The following CNOT4 variants were observed in gnomAD, a reference collection of about 807,000 sequenced individuals.
The protein encoded by CNOT4 is CCR4-NOT transcription complex subunit 4, also known as CCR4-associated factor 4.
CNOT4 carries 8 observed loss-of-function variants against 73.8 expected under a neutral mutation model. The ratio of observed to expected loss-of-function variants is 0.11; its 90% CI spans 0.06 to 0.20. The LOEUF (loss-of-function observed/expected upper bound fraction) is 0.20, where lower values mean the gene tolerates loss of function less well. CNOT4 is among the 10% of genes least tolerant of loss of function. The probability of loss-of-function intolerance (pLI) is 1.00; values close to 1 mark genes in which losing one functional copy is unlikely to be tolerated. For missense variants in CNOT4, 564 were observed against 883.4 expected (o/e 0.64, Z 4.58); for synonymous variants, 293 against 321.1 (o/e 0.91, Z 0.94).
At chr7:135,454,408 C>A (rs1800393410) in intron 1 of CNOT4, among the ~76,000 whole-genome samples, 1 of 151,928 alleles carries the variant, frequency 6.6e-6, no homozygotes, top group Non-Finnish European at 1.5e-5. Context: ...AATCTCAGCA[C>A]TCTGGGAGGC....
intron 1 of CNOT4, among the ~76,000 whole-genome samples, chr7:135,501,958 T>A (rs564541261): frequency 1.3e-5 from 2 of 152,314 alleles, no homozygotes; most frequent in African/African-American, 4.8e-5. Context: ...GGCTCTACCC[T>A]CATCAATGAT....
chr7:135,418,145 G>T (rs1027734702), intron 3 of CNOT4, among the ~76,000 whole-genome samples: 5 of 152,174 alleles, frequency 3.3e-5, no homozygotes, highest in Admixed American at 6.6e-5. Flanking sequence ...TAACAATAGT[G>T]GGCCTCAAAG....
intron 1 of CNOT4, among the ~76,000 whole-genome samples, chr7:135,452,671 C>T (rs780634938): frequency 3.7e-4 from 56 of 151,998 alleles, no homozygotes; most frequent in Non-Finnish European, 5.4e-4. Flanking sequence ...TAGAAATGAA[C>T]GTTTACTTGT....
chr7:135,389,732 A>G lies in CNOT4; in HGVS notation c.1627+4186T>C, dbSNP rs940833927. Among the ~76,000 whole-genome samples, 7 of 152,214 alleles carry G rather than the reference A, an allele frequency of 4.6e-5. No homozygotes were observed. The South Asian group carries it at 1.4e-3, about 31-fold the overall frequency. ...AACAGTTTCAAATATTTTTTGAGGT[A>G]TATCTTGAAACAACAATGCTTACTG... is the stretch of plus-strand genomic sequence containing the variant. On this transcript the variant is annotated intron_variant, in intron 10 of 11. Transcript: ENST00000541284.
intron 7 of CNOT4, among the ~76,000 whole-genome samples, chr7:135,399,604 T>C (rs1796896335): frequency 6.6e-6 from 1 of 152,052 alleles, no homozygotes; most frequent in Non-Finnish European, 1.5e-5. Flanking sequence ...AATTATTTTA[T>C]TCCCTGAAAA....
intron 2 of CNOT4, among the ~76,000 whole-genome samples, chr7:135,436,391 C>A (rs1290538967): frequency 6.6e-6 from 1 of 151,530 alleles, no homozygotes; most frequent in African/African-American, 2.4e-5. Flanking sequence ...CATCATGAAG[C>A]CAATCAAATT....
At chr7:135,470,271 C>T (rs1477575450) in intron 1 of CNOT4, among the ~76,000 whole-genome samples, 1 of 151,894 alleles carries the variant, frequency 6.6e-6, no homozygotes, top group Non-Finnish European at 1.5e-5. Flanking sequence ...CTAGGACCCA[C>T]GGGCACATAA....
At chr7:135,446,795 T>C (rs1799862306) in intron 1 of CNOT4, among the ~76,000 whole-genome samples, 1 of 151,688 alleles carries the variant, frequency 6.6e-6, no homozygotes, top group African/African-American at 2.4e-5. Context: ...TTTCCATAAA[T>C]TCTGGAGGTG....
chr7:135,489,338 C>A (rs895350646), intron 1 of CNOT4, among the ~76,000 whole-genome samples: 7 of 150,310 alleles, frequency 4.7e-5, no homozygotes, highest in Non-Finnish European at 8.9e-5. Flanking sequence ...AGGATTCTAA[C>A]TCCAGTGTGT....
At position 135,362,949 on chromosome 7, in the gene CNOT4, G is replaced by A. The variant is rs749563807; in HGVS notation, c.2078C>T (p.Ala693Val). The A allele has an allele frequency of 6.2e-7, 1 of 1,613,308 alleles. No individual in the cohort carries two copies. The highest frequency in any genetic ancestry group is 8.5e-7 in the Non-Finnish European group (1 of 1,179,582). ...GGGGGTTTTGCTGGGGGGTCTGAAGGCTGTCTGAAAGCCTGGGGGTGGGGA... is the reference window on the plus strand; with the variant it reads ...GGGGGTTTTGCTGGGGGGTCTGAAGACTGTCTGAAAGCCTGGGGGTGGGGA... ...FHSPPPGFQT[A>V]FRPPSKTPTD... Residue 693 changes from alanine (A) to valine (V), a missense_variant, in exon 12 of 12, where the codon GCC becomes GTC. Ala to Val is a moderately conservative substitution (Grantham distance 64). Transcript: ENST00000541284.
intron 1 of CNOT4, among the ~76,000 whole-genome samples, chr7:135,465,799 G>A (rs1801182872): frequency 6.6e-6 from 1 of 151,908 alleles, no homozygotes; most frequent in African/African-American, 2.4e-5. Context: ...TGTAATCCCA[G>A]CACTTTGGGA....
chr7:135,371,309 C>G (rs888956433), intron 10 of CNOT4, among the ~76,000 whole-genome samples: 19 of 152,128 alleles, frequency 1.2e-4, no homozygotes, highest in Non-Finnish European at 2.2e-4. Flanking sequence ...CATGGGCTAA[C>G]AGAAGGGAAG....
At chr7:135,427,079 G>A (rs1445263652) in intron 2 of CNOT4, among the ~76,000 whole-genome samples, 2 of 152,010 alleles carry the variant, frequency 1.3e-5, no homozygotes, top group Non-Finnish European at 2.9e-5. Context: ...TGCAAAATAG[G>A]TTGCCTATGG....
Position 135,414,366 on chromosome 7 carries a change from C to T in CNOT4, c.526G>A (p.Val176Ile). The T allele has an allele frequency of 1.3e-6, 2 of 1,515,182 alleles. No homozygotes were observed. Among genetic ancestry groups the T allele is most frequent in the Non-Finnish European group, 1.8e-6 (2 of 1,093,400 alleles). The allele number at this position is 1,515,182 out of a possible 1,614,324, so 93.9% of individuals were successfully genotyped here. The stretch of plus-strand genomic sequence containing the variant: ...CTGCCATCTACTACCACATTGTTGA[C>T]ACACTGTATGGCTCTGAGAGCGTCT... ...SEDALRAIQC[V>I]NNVVVDGRTL... Residue 176 changes from valine (V) to isoleucine (I), a missense_variant, in exon 5 of 12, where the codon GTC becomes ATC. Around this residue, in one of 10 missense-constraint regions of CNOT4, gnomAD observed 25 missense variants for 25.1 expected, o/e 1.00. Coordinates refer to ENST00000541284, the MANE Select transcript of CNOT4 (RefSeq NM_001190850.2).
In CNOT4 at chr7:135,495,711, AAAG is replaced by A. The variant is rs1803502414; in HGVS notation, c.-93+14175_-93+14177del. 2.7e-5 allele frequency among the ~76,000 whole-genome samples: 2 copies of A among 74,858 alleles called. 1 individual carries two copies. The highest frequency in any genetic ancestry group is 6.6e-5 in the Non-Finnish European group (2 of 30,142). The allele number at this position is 74,858 out of a possible 152,430, so 49.1% of individuals were successfully genotyped here. ...AAAAAAAAGAAAGAAAGAAAGAAAG[AAAG>A]AAAGAAAGAAAGAAAGAAAGAAAGA... is the stretch of plus-strand genomic sequence containing the variant. On this transcript the variant is annotated intron_variant, in intron 1 of 11. Transcript: ENST00000541284.
At chr7:135,501,227 C>T (rs1225639759) in intron 1 of CNOT4, among the ~76,000 whole-genome samples, 1 of 152,008 alleles carries the variant, frequency 6.6e-6, no homozygotes, top group Admixed American at 6.6e-5. Flanking sequence ...TCAAGCAATC[C>T]TCCCACCTCA....
chr7:135,490,404 T>C (rs1225175148), intron 1 of CNOT4, among the ~76,000 whole-genome samples: 1 of 151,872 alleles, frequency 6.6e-6, no homozygotes, highest in Non-Finnish European at 1.5e-5. Context: ...TTGGCAGAGG[T>C]TGGAGGAAAA....
chr7:135,430,832 C>T (rs1333601012), intron 2 of CNOT4, among the ~76,000 whole-genome samples: 3 of 152,162 alleles, frequency 2.0e-5, no homozygotes, highest in South Asian at 2.1e-4. Context: ...AAAAAATGCA[C>T]ACACAGCAAC....
chr7:135,460,068 C>T (rs1426774394), intron 1 of CNOT4, among the ~76,000 whole-genome samples: 1 of 152,192 alleles, frequency 6.6e-6, no homozygotes, highest in Non-Finnish European at 1.5e-5. Flanking sequence ...AGCTTTCATA[C>T]AATGGAAGAG....
Sources: allele counts gnomAD v4.1 joint callset (sites outside exome capture counted in the v4.1 genomes callset), GRCh38; gene constraint gnomAD v4.1.1; regional missense constraint gnomAD v4.1.1; transcripts MANE v1.5; gene names NCBI Gene and HGNC (gene_info 2026-07-23, HGNC 2026-07-21).